NSRP1: variants seen among roughly 807,000 people sequenced by gnomAD.
NSRP1 encodes coiled-coil domain containing 55.
NSRP1 carries 24 observed loss-of-function variants against 54.7 expected under a neutral mutation model. The observed-to-expected ratio is 0.44, with a 90% CI of 0.32 to 0.62. The LOEUF (loss-of-function observed/expected upper bound fraction) is 0.62, where lower values mean the gene tolerates loss of function less well. NSRP1 is among the 20% of genes least tolerant of loss of function. The pLI, the probability that NSRP1 is intolerant of heterozygous loss-of-function variation, is 0.06. For missense variants in NSRP1, 596 were observed against 651.2 expected, an observed-to-expected ratio of 0.92 and a Z score of 0.92; for synonymous variants, 210 against 213.8, an observed-to-expected ratio of 0.98 and a Z score of 0.15.
At chr17:30,118,999 C>T (rs1056168627) in intron 2 of NSRP1, among the ~76,000 whole-genome samples, 2 of 152,102 alleles carry the variant, frequency 1.3e-5, no homozygotes, top group Non-Finnish European at 2.9e-5. Context: ...CTGCCTGCCT[C>T]AGCTTCCCAA....
At chr17:30,157,244 T>C (rs986560992) in intron 2 of NSRP1, among the ~76,000 whole-genome samples, 2 of 152,226 alleles carry the variant, frequency 1.3e-5, no homozygotes, top group Admixed American at 1.3e-4. Flanking sequence ...TAATTAGTGA[T>C]GTTGGGCATT....
At chr17:30,172,014 T>TCTCA (rs144705088) in intron 2 of NSRP1, among the ~76,000 whole-genome samples, 6 of 131,056 alleles carry the variant, frequency 4.6e-5, no homozygotes, top group South Asian at 5.3e-4. Context: ...TCTCTCTCTC[T>TCTCA]CACATGTTCA....
intron 2 of NSRP1, among the ~76,000 whole-genome samples, chr17:30,121,164 G>A (rs991052112): frequency 9.9e-5 from 15 of 152,184 alleles, no homozygotes; most frequent in African/African-American, 2.9e-4. Context: ...TAAATTTTTC[G>A]TATAAAATTT....
intron 3 of NSRP1, among the ~76,000 whole-genome samples, chr17:30,173,211 A>G (rs955669359): frequency 1.1e-4 from 16 of 152,260 alleles, no homozygotes; most frequent in South Asian, 4.1e-4. Context: ...TGATCCGCCA[A>G]CCTCAGCCTC....
intron 2 of NSRP1, among the ~76,000 whole-genome samples, chr17:30,144,999 A>T (rs1422877688): frequency 6.6e-6 from 1 of 152,180 alleles, no homozygotes; most frequent in Non-Finnish European, 1.5e-5. Context: ...TTGAGTACAT[A>T]TGATTTTGTA....
chr17:30,162,808 G>C (rs939149509), intron 2 of NSRP1, among the ~76,000 whole-genome samples: 4 of 151,962 alleles, frequency 2.6e-5, no homozygotes, highest in African/African-American at 4.8e-5. Context: ...TAATGGTCTA[G>C]TACCTATACT....
At chr17:30,123,566 G>A (rs1324682502) in intron 2 of NSRP1, among the ~76,000 whole-genome samples, 1 of 152,156 alleles carries the variant, frequency 6.6e-6, no homozygotes, top group Non-Finnish European at 1.5e-5. Flanking sequence ...CACAAAAGTT[G>A]TTTTGAGGAA....
In NSRP1 at chr17:30,119,126, G is replaced by T. The variant is rs1398262777; in HGVS notation, c.114+953G>T. Among the ~76,000 whole-genome samples, 6 of 148,650 alleles carry T rather than the reference G, an allele frequency of 4.0e-5. No individual in the cohort carries two copies. The East Asian group carries it at 1.2e-3, about 29-fold the overall frequency. Reference sequence around the variant, plus strand: ...TTTTTTGAGACAGAGTTTCGCTCTTGTTACCTAGGCTAGAGTGGGATGGTG... The same window carrying T: ...TTTTTTGAGACAGAGTTTCGCTCTTTTTACCTAGGCTAGAGTGGGATGGTG... On this transcript the variant is annotated intron_variant, in intron 2 of 6. Transcript: ENST00000247026.
chr17:30,171,961 CA>C (rs1395245666), intron 2 of NSRP1, among the ~76,000 whole-genome samples: 30 of 136,356 alleles, frequency 2.2e-4, no homozygotes, highest in African/African-American at 6.6e-4. Flanking sequence ...CACACACACA[CA>C]CACACACACA....
chr17:30,136,519 C>T (rs767783578), intron 2 of NSRP1, among the ~76,000 whole-genome samples: 1 of 152,252 alleles, frequency 6.6e-6, no homozygotes, highest in Non-Finnish European at 1.5e-5. Context: ...TTTATCAAAT[C>T]TAAGCTGCTT....
chr17:30,160,220 T>G (rs971715033), intron 2 of NSRP1, among the ~76,000 whole-genome samples: 1 of 152,232 alleles, frequency 6.6e-6, no homozygotes, highest in Non-Finnish European at 1.5e-5. Context: ...TGTTGAAGAC[T>G]TTTGCATCTG....
At chr17:30,163,860 A>G (rs547081164) in intron 2 of NSRP1, among the ~76,000 whole-genome samples, 4 of 151,378 alleles carry the variant, frequency 2.6e-5, no homozygotes, top group African/African-American at 7.3e-5. Flanking sequence ...TTTTTTTTGT[A>G]TTTTTAGTAG....
At chr17:30,130,221 A>G (rs934343315) in intron 2 of NSRP1, among the ~76,000 whole-genome samples, 2 of 152,122 alleles carry the variant, frequency 1.3e-5, no homozygotes, top group Admixed American at 6.5e-5. Flanking sequence ...TCAGCCTCCC[A>G]AGTAGCTGAG....
At position 30,145,193 on chromosome 17, in the gene NSRP1, A is replaced by G. The variant is rs183504296; in HGVS notation, c.114+27020A>G. Among the ~76,000 whole-genome samples, 596 of 152,314 alleles carry G rather than the reference A, an allele frequency of 3.9e-3. 4 individuals carry two copies. Among genetic ancestry groups the G allele is most frequent in the African/African-American group, 0.013 (547 of 41,568 alleles). On this transcript the variant is annotated intron_variant, in intron 2 of 6. Transcript: ENST00000247026. ...TACCACAGTGATATTATTTTAAAAAATTCTCATACATGTCCCAGTAGAAAC... is the reference window on the plus strand; with the variant it reads ...TACCACAGTGATATTATTTTAAAAAGTTCTCATACATGTCCCAGTAGAAAC...
chr17:30,182,459 T>C (rs1243181138), intron 6 of NSRP1, among the ~76,000 whole-genome samples: 15 of 144,854 alleles, frequency 1.0e-4, no homozygotes, highest in East Asian at 6.4e-4. Context: ...CTGGCCAACA[T>C]GGTGAAACCC....
chr17:30,163,845 A>G (rs899476132), intron 2 of NSRP1, among the ~76,000 whole-genome samples: 1 of 151,484 alleles, frequency 6.6e-6, no homozygotes, highest in Non-Finnish European at 1.5e-5. Context: ...ACCATGCCCA[A>G]CTAATTTTTT....
At chr17:30,139,206 C>T (rs774292254) in intron 2 of NSRP1, among the ~76,000 whole-genome samples, 42 of 152,022 alleles carry the variant, frequency 2.8e-4, no homozygotes, top group Non-Finnish European at 5.6e-4. Flanking sequence ...CGTGAGCCAC[C>T]GCACCCAGCT....
Position 30,171,970 on chromosome 17 carries a change from ACACTCC to A in NSRP1, c.115-570_115-565del, listed in dbSNP as rs1275634362. ...CACACACACACACACACACACACACACACTCCCTCTCTCTCTCTCTCTCTCTCTCTC... is the reference window on the plus strand; with the variant it reads ...CACACACACACACACACACACACACACTCTCTCTCTCTCTCTCTCTCTCTC... On this transcript the variant is annotated intron_variant, in intron 2 of 6. Coordinates refer to ENST00000247026, the MANE Select transcript of NSRP1 (RefSeq NM_032141.4). Among the ~76,000 whole-genome samples, 481 of 99,130 alleles carry A rather than the reference ACACTCC, an allele frequency of 4.9e-3. 1 individual carries two copies. The highest frequency in any genetic ancestry group is 0.016 in the African/African-American group (463 of 28,404). 65.0% of individuals were successfully genotyped at this position (99,130 alleles called of 152,430 possible).
At chr17:30,143,985 A>T (rs2071829291) in intron 2 of NSRP1, 1 of 152,008 alleles carries the variant, frequency 6.6e-6, no homozygotes, top group Non-Finnish European at 1.5e-5. Flanking sequence ...TTTAAAAATA[A>T]TTTTTTAAAA....
Sources: allele counts gnomAD v4.1 joint callset (sites outside exome capture counted in the v4.1 genomes callset), GRCh38; gene constraint gnomAD v4.1.1; transcripts MANE v1.5; gene names NCBI Gene and HGNC (gene_info 2026-07-23, HGNC 2026-07-21).